Variants in DENND6A observed in about 807,000 individuals in gnomAD.
DENND6A encodes DENN domain containing 6A.
In DENND6A, 43 loss-of-function variants were observed where a neutral mutation model predicts 95.5. The ratio of observed to expected loss-of-function variants is 0.45; its 90% confidence interval spans 0.35 to 0.58. The LOEUF is 0.58. Ranked by LOEUF, DENND6A falls within the 20% of genes least tolerant of loss-of-function variation. The pLI, the probability that DENND6A is intolerant of heterozygous loss-of-function variation, is 0.00. For missense variants in DENND6A, 574 were observed against 736.0 expected, an observed-to-expected ratio of 0.78 and a Z score of 2.55; for synonymous variants, 257 against 260.4, an observed-to-expected ratio of 0.99 and a Z score of 0.13.
intron 14 of DENND6A, 124 bp downstream of exon 14, chr3:57,634,434 C>CAA (rs60799417): frequency 6.9e-4 from 194 of 280,430 alleles, no homozygotes; most frequent in Non-Finnish European, 8.7e-4. Context: ...CTCTGTCTCC[C>CAA]AAAAAAAAAA....
At chr3:57,675,252 G>C (rs1431908200) in intron 1 of DENND6A, among the ~76,000 whole-genome samples, 1 of 152,096 alleles carries the variant, frequency 6.6e-6, no homozygotes, top group Non-Finnish European at 1.5e-5. Flanking sequence ...AAAAGTTTTT[G>C]GTTTAAAGTT....
intron 9 of DENND6A, among the ~76,000 whole-genome samples, chr3:57,650,244 C>A (rs1372480152): frequency 6.6e-6 from 1 of 151,670 alleles, no homozygotes; most frequent in Non-Finnish European, 1.5e-5. Flanking sequence ...CACTAAAGAA[C>A]TTATTCATGC....
At chr3:57,675,797 G>T (rs1278373485) in intron 1 of DENND6A, among the ~76,000 whole-genome samples, 1 of 152,140 alleles carries the variant, frequency 6.6e-6, no homozygotes, top group Non-Finnish European at 1.5e-5. Context: ...TTATCAAAGT[G>T]ACAAAAATTA....
At chr3:57,652,056 AAAATAAAT>A (rs944688592) in intron 9 of DENND6A, among the ~76,000 whole-genome samples, 3 of 152,130 alleles carry the variant, frequency 2.0e-5, no homozygotes, top group African/African-American at 7.2e-5. Flanking sequence ...AATAAAAATA[AAAATAAAT>A]AAATAAATAA....
At chr3:57,636,936 CAAAAAA>C (rs60350642) in intron 12 of DENND6A, among the ~76,000 whole-genome samples, 2 of 52,008 alleles carry the variant, frequency 3.8e-5, no homozygotes, top group African/African-American at 6.9e-5. Context: ...GACTCTGTCT[CAAAAAA>C]AAAAAAAAAA....
intron 5 of DENND6A, among the ~76,000 whole-genome samples, chr3:57,661,785 A>C (rs2071427929): frequency 6.6e-6 from 1 of 152,220 alleles, no homozygotes; most frequent in East Asian, 1.9e-4. Flanking sequence ...TCTTCAAAAA[A>C]AGAATTTCCT....
intron 4 of DENND6A, among the ~76,000 whole-genome samples, chr3:57,665,024 T>A (rs2071504972): frequency 6.6e-6 from 1 of 151,780 alleles, no homozygotes; most frequent in South Asian, 2.1e-4. Context: ...GGGCTAGGAG[T>A]TTCAGTAAAA....
intron 12 of DENND6A, among the ~76,000 whole-genome samples, chr3:57,640,278 A>C (rs952950897): frequency 7.1e-6 from 1 of 140,916 alleles, no homozygotes; most frequent in African/African-American, 2.8e-5. Context: ...CAAAAAAAAA[A>C]AACAAAAAAA....
chr3:57,660,951 G>C, intron 6 of DENND6A, 112 bp from the exon 7 acceptor site: 1 of 891,326 alleles, frequency 1.1e-6, no homozygotes. Context: ...AAATATACCT[G>C]GAAGAATGAG....
intron 1 of DENND6A, among the ~76,000 whole-genome samples, chr3:57,691,521 T>C (rs901749102): frequency 1.3e-5 from 2 of 152,240 alleles, no homozygotes; most frequent in Admixed American, 6.5e-5. Context: ...GGAAACTTAA[T>C]GTCGCTGAAC....
chr3:57,678,529 C>G (rs2077129763), intron 1 of DENND6A, among the ~76,000 whole-genome samples: 1 of 152,152 alleles, frequency 6.6e-6, no homozygotes. Flanking sequence ...TGGACTGAAT[C>G]CCCCAAAAAT....
At position 57,628,028 on chromosome 3, in the gene DENND6A, A is replaced by T; in HGVS notation, c.*186T>A. 1 of 693,218 alleles carries T rather than the reference A, an allele frequency of 1.4e-6. No homozygotes were observed. 42.9% of individuals were successfully genotyped at this position (693,218 alleles called of 1,614,324 possible). A position where few individuals can be genotyped will look rare whatever the true frequency, so the allele number is the denominator to read the frequency against. ...GTATTAAAGTGGAACCACCACAGAT[A>T]TCCACTTTAAAAAGTAATGCACTAA... is the stretch of plus-strand genomic sequence containing the variant. On this transcript the variant is annotated 3_prime_UTR_variant, in exon 20 of 20. Transcript: ENST00000311128.
At chr3:57,639,429 C>CAG (rs1200054367) in intron 12 of DENND6A, among the ~76,000 whole-genome samples, 3 of 152,174 alleles carry the variant, frequency 2.0e-5, no homozygotes, top group Non-Finnish European at 4.4e-5. Flanking sequence ...CTACATCTAG[C>CAG]AGAGAGACTT....
At position 57,635,200 on chromosome 3, in the gene DENND6A, G is replaced by C. The variant is rs1384604943; in HGVS notation, c.1133-431C>G. Among the ~76,000 whole-genome samples, 3 of 151,342 alleles carry C rather than the reference G, an allele frequency of 2.0e-5. No homozygotes were observed. In the East Asian group the frequency reaches 5.8e-4, roughly 29 times the overall value. On this transcript the variant is annotated intron_variant, in intron 12 of 19. Transcript: ENST00000311128. The stretch of plus-strand genomic sequence containing the variant: ...AGATGTAGTCTTCAAGGGTTTGTGG[G>C]GTTTTGTTTTGTTTTGTTTTGTTTT...
intron 12 of DENND6A, among the ~76,000 whole-genome samples, chr3:57,638,583 G>A (rs1181589247): frequency 3.3e-5 from 5 of 151,776 alleles, no homozygotes; most frequent in African/African-American, 4.8e-5. Flanking sequence ...GCTTGAACCC[G>A]GGAGGTGGAG....
intron 1 of DENND6A, among the ~76,000 whole-genome samples, chr3:57,690,375 G>A (rs1559836155): frequency 6.6e-6 from 1 of 151,828 alleles, no homozygotes; most frequent in African/African-American, 2.4e-5. Context: ...CGTGGTGCGG[G>A]TGCCTGTAGT....
At chr3:57,650,400 GTATA>G (rs1001059347) in intron 9 of DENND6A, among the ~76,000 whole-genome samples, 11 of 145,910 alleles carry the variant, frequency 7.5e-5, no homozygotes, top group African/African-American at 2.5e-4. Context: ...ATATGAGTGT[GTATA>G]TATACATGCA....
At chr3:57,642,435 GT>G (rs896735864) in intron 11 of DENND6A, among the ~76,000 whole-genome samples, 1 of 151,936 alleles carries the variant, frequency 6.6e-6, no homozygotes, top group African/African-American at 2.4e-5. Context: ...ATGAGTGGGC[GT>G]TTTTTGCCAA....
intron 9 of DENND6A, among the ~76,000 whole-genome samples, chr3:57,656,803 A>G (rs2153415207): frequency 6.6e-6 from 1 of 152,242 alleles, no homozygotes; most frequent in South Asian, 2.1e-4. Context: ...CTAAAAATAC[A>G]AAAATGTAGC....
Sources: gnomAD v4.1 joint callset for allele counts (sites outside exome capture counted in the v4.1 genomes callset) on GRCh38, gnomAD v4.1.1 for gene constraint, MANE v1.5 for transcripts, NCBI Gene and HGNC (gene_info 2026-07-23, HGNC 2026-07-21) for gene names.